The following CALN1 variants were observed in gnomAD, a reference collection of about 807,000 sequenced individuals.
CALN1 encodes calneuron 1.
Under a neutral mutation model 30.6 loss-of-function variants are expected in CALN1, and 17 were observed. The ratio of observed to expected loss-of-function variants is 0.56; its 90% CI spans 0.38 to 0.83. The LOEUF is 0.83. Ranked by LOEUF, CALN1 falls within the 40% of genes least tolerant of loss-of-function variation. CALN1 has a pLI of 0.00. For missense variants in CALN1, 291 were observed against 354.9 expected (o/e 0.82, Z 1.45); for synonymous variants, 156 against 131.4 (o/e 1.19, Z -1.28).
At chr7:71,899,104 C>G (rs1237863867) in intron 5 of CALN1, among the ~76,000 whole-genome samples, 1 of 151,288 alleles carries the variant, frequency 6.6e-6, no homozygotes, top group Non-Finnish European at 1.5e-5. Context: ...CACAACTTCT[C>G]TCTCTCTCTC....
chr7:72,331,646 T>G (rs1364679285), intron 2 of CALN1, among the ~76,000 whole-genome samples: 1 of 152,180 alleles, frequency 6.6e-6, no homozygotes, highest in Non-Finnish European at 1.5e-5. Flanking sequence ...GAATATCTAT[T>G]TATTTACTTA....
chr7:72,090,174 T>C (rs1226030861), intron 4 of CALN1, among the ~76,000 whole-genome samples: 1 of 152,138 alleles, frequency 6.6e-6, no homozygotes, highest in South Asian at 2.1e-4. Flanking sequence ...TGGTGGCGCA[T>C]GCCTGTAGTC....
chr7:71,903,890 C>T (rs182270830), intron 5 of CALN1, among the ~76,000 whole-genome samples: 10 of 151,972 alleles, frequency 6.6e-5, no homozygotes, highest in African/African-American at 2.4e-4. Context: ...GGCAAAAGAC[C>T]TGAATAGATG....
chr7:71,821,104 TATAG>T (rs2116318293), intron 5 of CALN1, among the ~76,000 whole-genome samples: 1 of 152,222 alleles, frequency 6.6e-6, no homozygotes, highest in South Asian at 2.1e-4. Context: ...CAGTAGAATG[TATAG>T]ATACAGGTTA....
intron 3 of CALN1, among the ~76,000 whole-genome samples, chr7:72,221,156 G>C (rs1793258258): frequency 6.6e-6 from 1 of 152,042 alleles, no homozygotes; most frequent in African/African-American, 2.4e-5. Flanking sequence ...CATGATGTTG[G>C]CGAAAGGGTG....
At chr7:71,999,927 C>T (rs2129528479) in intron 5 of CALN1, among the ~76,000 whole-genome samples, 1 of 151,838 alleles carries the variant, frequency 6.6e-6, no homozygotes, top group South Asian at 2.1e-4. Flanking sequence ...TGTTACCTGG[C>T]CATAATGAAA....
intron 5 of CALN1, among the ~76,000 whole-genome samples, chr7:71,907,646 G>A (rs1584488581): frequency 6.6e-6 from 1 of 152,308 alleles, no homozygotes; most frequent in African/African-American, 2.4e-5. Flanking sequence ...GTCTTGCTGA[G>A]AATTAAATGA....
intron 5 of CALN1, among the ~76,000 whole-genome samples, chr7:71,977,361 G>A (rs1798149994): frequency 6.6e-6 from 1 of 152,124 alleles, no homozygotes; most frequent in Non-Finnish European, 1.5e-5. Context: ...CTTAAGCCAA[G>A]GAGTTCAAGG....
At chr7:72,307,653 C>G (rs1265199615) in intron 2 of CALN1, among the ~76,000 whole-genome samples, 1 of 152,204 alleles carries the variant, frequency 6.6e-6, no homozygotes, top group Non-Finnish European at 1.5e-5. Context: ...GGACTAGAAG[C>G]AACCTCCTGG....
chr7:71,974,771 C>A (rs1464427229), intron 5 of CALN1, among the ~76,000 whole-genome samples: 1 of 152,212 alleles, frequency 6.6e-6, no homozygotes, highest in Non-Finnish European at 1.5e-5. Context: ...TTGGAACAAA[C>A]TTTCTGGCAC....
chr7:72,258,620 A>G (rs957930581), intron 3 of CALN1, among the ~76,000 whole-genome samples: 1 of 152,216 alleles, frequency 6.6e-6, no homozygotes, highest in Admixed American at 6.5e-5. Context: ...TGTTAAACAC[A>G]GCCAAAAGAT....
chr7:71,940,447 G>C (rs1227438208), intron 5 of CALN1, among the ~76,000 whole-genome samples: 1 of 152,286 alleles, frequency 6.6e-6, no homozygotes, highest in Non-Finnish European at 1.5e-5. Context: ...TTTCCTGAGA[G>C]TAAAATGCTG....
rs563295643 is a variant in CALN1 at position 71,941,758 on chromosome 7, C to G, written c.501+81899G>C. Among the ~76,000 whole-genome samples the G allele has an allele frequency of 1.6e-4, 24 of 152,292 alleles. No individual in the cohort carries two copies. The South Asian group carries it at 4.3e-3, about 28-fold the overall frequency. ...AAATCAATCTAACAGGCAGTGTGTA[C>G]TTTATATGCCAGCAATCCCATTCCA... is the stretch of plus-strand genomic sequence containing the variant. On this transcript the variant is annotated intron_variant, in intron 5 of 6. Coordinates refer to ENST00000395275, the MANE Select transcript of CALN1 (RefSeq NM_031468.4).
At chr7:72,385,053 A>G (rs940924691) in intron 2 of CALN1, among the ~76,000 whole-genome samples, 1 of 152,262 alleles carries the variant, frequency 6.6e-6, no homozygotes. Context: ...ACATATGAAA[A>G]GATGCTCAAC....
intron 3 of CALN1, among the ~76,000 whole-genome samples, chr7:72,276,819 A>C (rs1334212642): frequency 1.3e-5 from 2 of 152,116 alleles, no homozygotes; most frequent in Admixed American, 1.3e-4. Flanking sequence ...GTTCTTTTCT[A>C]TATCAATTAC....
the CALN1 span, among the ~76,000 whole-genome samples, chr7:72,477,864 G>C: frequency 3.9e-5 from 6 of 152,058 alleles, no homozygotes; most frequent in Admixed American, 1.3e-4. Context: ...TGTGTCCATT[G>C]GGTTCTCCCA....
intron 4 of CALN1, among the ~76,000 whole-genome samples, chr7:72,061,318 G>A (rs1803631870): frequency 6.6e-6 from 1 of 152,094 alleles, no homozygotes; most frequent in Non-Finnish European, 1.5e-5. Context: ...CACAGTTGTT[G>A]GAATTATCTG....
At chr7:72,222,182 T>C (rs1793353624) in intron 3 of CALN1, among the ~76,000 whole-genome samples, 1 of 151,404 alleles carries the variant, frequency 6.6e-6, no homozygotes, top group Admixed American at 6.6e-5. Flanking sequence ...GCTTAGACTG[T>C]GCCCCTGCGC....
chr7:72,477,739 T>C, the CALN1 span, among the ~76,000 whole-genome samples: 1 of 152,166 alleles, frequency 6.6e-6, no homozygotes. Flanking sequence ...TCATTTTATT[T>C]TGTAGAGACG....
Sources: allele counts gnomAD v4.1 joint callset (sites outside exome capture counted in the v4.1 genomes callset), GRCh38; gene constraint gnomAD v4.1.1; transcripts MANE v1.5; gene names NCBI Gene and HGNC (gene_info 2026-07-23, HGNC 2026-07-21).